Variants in PCDH15 observed in about 807,000 individuals in gnomAD.
PCDH15 encodes protocadherin related 15.
PCDH15 carries 129 observed loss-of-function variants against 178.5 expected under a neutral mutation model. That is an observed-to-expected ratio of 0.72 (90% CI 0.63 to 0.84). PCDH15 has a LOEUF of 0.84. PCDH15 is among the 40% of genes least tolerant of loss of function. PCDH15 has a pLI of 0.00. For synonymous variants in PCDH15, 800 were observed against 732.0 expected, an observed-to-expected ratio of 1.09 and a Z score of -1.50; for missense variants, 2,230 against 2,099.9, an observed-to-expected ratio of 1.06 and a Z score of -1.21.
At chr10:54,368,079 T>A (rs1240742561) in intron 5 of PCDH15, among the ~76,000 whole-genome samples, 12 of 152,008 alleles carry the variant, frequency 7.9e-5, no homozygotes, top group African/African-American at 2.9e-4. Flanking sequence ...TATCGACCAG[T>A]AATTCGTCTT....
chr10:54,797,507 AACACACACACACACACACAC>A (rs71014418), intron 1 of PCDH15, among the ~76,000 whole-genome samples: 8 of 145,284 alleles, frequency 5.5e-5, no homozygotes, highest in Middle Eastern at 3.5e-3. Context: ...TTATTGTTGA[AACACACACACACACACACAC>A]ACACACACAC....
chr10:54,374,408 G>C (rs568452603), intron 4 of PCDH15, among the ~76,000 whole-genome samples: 70 of 152,126 alleles, frequency 4.6e-4, no homozygotes, highest in Non-Finnish European at 8.2e-4. Context: ...TTTGAGATAA[G>C]TATTATAGGA....
At chr10:54,673,370 C>T (rs1349352086) in intron 1 of PCDH15, among the ~76,000 whole-genome samples, 1 of 152,028 alleles carries the variant, frequency 6.6e-6, no homozygotes, top group East Asian at 1.9e-4. Flanking sequence ...TGATGGTTTC[C>T]AGCTTCATCC....
intron 32 of PCDH15, chr10:53,822,252 A>C (rs1408924240): frequency 6.2e-7 from 1 of 1,613,724 alleles, no homozygotes; most frequent in East Asian, 2.2e-5. Context: ...AGGGCAAGGA[A>C]TAGAAGGAGG....
intron 1 of PCDH15, among the ~76,000 whole-genome samples, chr10:55,317,835 C>T (rs1269300100): frequency 6.6e-6 from 1 of 151,960 alleles, no homozygotes; most frequent in Non-Finnish European, 1.5e-5. Context: ...AGGGGTTGGT[C>T]GCCTGCACGC....
chr10:55,441,140 T>C (rs1229921576), intron 2 of PCDH15, among the ~76,000 whole-genome samples: 1 of 152,216 alleles, frequency 6.6e-6, no homozygotes, highest in Non-Finnish European at 1.5e-5. Flanking sequence ...TGAAACTGCC[T>C]GTTCTTACCT....
chr10:54,190,990 A>G (rs575495874), intron 11 of PCDH15, among the ~76,000 whole-genome samples: 4 of 152,338 alleles, frequency 2.6e-5, no homozygotes, highest in East Asian at 3.9e-4. Context: ...CTCAGTATGA[A>G]AAACAGCTTT....
Position 53,938,876 on chromosome 10 carries a change from T to A in PCDH15, c.3312A>T (p.Val1104=). The A allele has an allele frequency of 6.2e-7, 1 of 1,613,636 alleles. No individual in the cohort carries two copies. The highest frequency in any genetic ancestry group is 8.5e-7 in the Non-Finnish European group (1 of 1,179,644). The stretch of plus-strand genomic sequence containing the variant: ...CCAGGGAATCAGCTTGGACTCGAAG[T>A]ACATAGCTTGTCCTGGTCTCATAAT... ...PLDYETRTSY[V]LRVQADSLEV... is the part of the protein sequence containing the mutation. Residue 1104 remains valine, a synonymous_variant, in exon 25 of 38, where the codon GTA becomes GTT. Coordinates refer to ENST00000644397, the MANE Select transcript of PCDH15 (RefSeq NM_001384140.1).
At chr10:54,424,622 A>G (rs549350451) in intron 3 of PCDH15, among the ~76,000 whole-genome samples, 2 of 152,232 alleles carry the variant, frequency 1.3e-5, no homozygotes, top group East Asian at 1.9e-4. Flanking sequence ...ATGTCCATCA[A>G]TGATAGAATG....
intron 26 of PCDH15, among the ~76,000 whole-genome samples, chr10:53,889,119 A>G (rs2081380974): frequency 6.6e-6 from 1 of 151,992 alleles, no homozygotes; most frequent in Non-Finnish European, 1.5e-5. Context: ...ATGAAATAAA[A>G]TTTTTGGAAA....
intron 36 of PCDH15, among the ~76,000 whole-genome samples, chr10:53,811,202 AACTG>A (rs2075851669): frequency 6.6e-6 from 1 of 152,152 alleles, no homozygotes; most frequent in African/African-American, 2.4e-5. Context: ...CAAAACTTTA[AACTG>A]ATTAGATAAA....
At chr10:54,468,637 G>T (rs980879158) in intron 3 of PCDH15, among the ~76,000 whole-genome samples, 3 of 152,128 alleles carry the variant, frequency 2.0e-5, no homozygotes, top group Non-Finnish European at 2.9e-5. Flanking sequence ...TGGATGAAAT[G>T]TTAGGTAAAA....
At chr10:55,183,030 A>C (rs926112138) in intron 1 of PCDH15, among the ~76,000 whole-genome samples, 3 of 151,986 alleles carry the variant, frequency 2.0e-5, no homozygotes, top group Non-Finnish European at 4.4e-5. Flanking sequence ...TTATGGCTTC[A>C]CATCTATATT....
chr10:55,136,144 C>G (rs1461321715), intron 2 of PCDH15, among the ~76,000 whole-genome samples: 1 of 151,936 alleles, frequency 6.6e-6, no homozygotes, highest in East Asian at 1.9e-4. Flanking sequence ...AGCACAAAGG[C>G]ATTTATGTAA....
At chr10:55,222,730 C>CACACACACAT in intron 1 of PCDH15, among the ~76,000 whole-genome samples, 2 of 121,274 alleles carry the variant, frequency 1.6e-5, no homozygotes, top group Non-Finnish European at 3.4e-5. Context: ...CACACACACA[C>CACACACACAT]ATATATATAT....
intron 8 of PCDH15, among the ~76,000 whole-genome samples, chr10:54,246,163 TTC>T (rs1420774263): frequency 6.6e-6 from 1 of 151,952 alleles, no homozygotes; most frequent in African/African-American, 2.4e-5. Context: ...AAAAATAAAT[TTC>T]TTATTCAAAT....
chr10:54,040,723 A>G (rs1031584394), intron 18 of PCDH15, among the ~76,000 whole-genome samples: 1 of 151,998 alleles, frequency 6.6e-6, no homozygotes, highest in Non-Finnish European at 1.5e-5. Flanking sequence ...TGCACCATAC[A>G]TTTCAGAGAC....
intron 3 of PCDH15, among the ~76,000 whole-genome samples, chr10:54,889,698 T>C (rs1326300044): frequency 6.6e-6 from 1 of 151,430 alleles, no homozygotes; most frequent in Non-Finnish European, 1.5e-5. Context: ...ATGTAGGTCA[T>C]AAAAATGTTT....
chr10:55,521,498 G>T (rs1382643903), intron 2 of PCDH15, among the ~76,000 whole-genome samples: 1 of 151,854 alleles, frequency 6.6e-6, no homozygotes, highest in African/African-American at 2.4e-5. Flanking sequence ...GTCATAGGAG[G>T]CCTGGAACTT....
Sources: gnomAD v4.1 joint callset for allele counts (sites outside exome capture counted in the v4.1 genomes callset) on GRCh38, gnomAD v4.1.1 for gene constraint, MANE v1.5 for transcripts, NCBI Gene and HGNC (gene_info 2026-07-23, HGNC 2026-07-21) for gene names.